CEP170: variants seen among roughly 807,000 people sequenced by gnomAD.
CEP170 encodes the protein centrosomal protein 170, also known as centrosomal protein of 170 kDa.
Under a neutral mutation model 151.9 loss-of-function variants are expected in CEP170, and 21 were observed. The ratio of observed to expected loss-of-function variants is 0.14; its 90% confidence interval spans 0.10 to 0.20. The LOEUF (loss-of-function observed/expected upper bound fraction) is 0.20. CEP170 is among the 10% of genes least tolerant of loss of function. The pLI, the probability that CEP170 is intolerant of heterozygous loss-of-function variation, is 1.00. For missense variants in CEP170, 964 were observed against 1,892.9 expected (o/e 0.51, Z 9.11); for synonymous variants, 356 against 648.8 (o/e 0.55, Z 6.86).
In CEP170 at chr1:243,219,375, C is replaced by T. The variant is rs557366403; in HGVS notation, c.195+2349G>A. On this transcript the variant is annotated intron_variant, in intron 3 of 19. Coordinates refer to ENST00000366542, the MANE Select transcript of CEP170 (RefSeq NM_014812.3). ...TTCAGAGAGATTAAGTGATTTGTCC[C>T]AGGTTACACTGCTGATAAATAACAG... Among the ~76,000 whole-genome samples the T allele has an allele frequency of 2.0e-5, 3 of 152,262 alleles. No individual in the cohort carries two copies. In the East Asian group the frequency reaches 5.8e-4, roughly 29 times the overall value.
At chr1:243,147,804 A>C (rs553509770) in intron 14 of CEP170, among the ~76,000 whole-genome samples, 1 of 152,330 alleles carries the variant, frequency 6.6e-6, no homozygotes, top group East Asian at 1.9e-4. Context: ...AAATTTTTAG[A>C]GTTTGACTTA....
intron 17 of CEP170, among the ~76,000 whole-genome samples, chr1:243,133,655 C>G (rs1478473320): frequency 1.3e-5 from 2 of 151,870 alleles, no homozygotes; most frequent in Non-Finnish European, 2.9e-5. Context: ...TAGGCTTTAC[C>G]CCAGGGAATG....
chr1:243,151,580 G>A (rs2057077456), intron 14 of CEP170, among the ~76,000 whole-genome samples: 1 of 152,218 alleles, frequency 6.6e-6, no homozygotes, highest in African/African-American at 2.4e-5. Context: ...TGCTGACAGA[G>A]GTGAGGAAAC....
chr1:243,168,713 C>T (rs1239554142), intron 12 of CEP170, among the ~76,000 whole-genome samples: 1 of 151,694 alleles, frequency 6.6e-6, no homozygotes, highest in Non-Finnish European at 1.5e-5. Flanking sequence ...CCATCATCTC[C>T]TCATCCTCCT....
At chr1:243,170,358 C>A (rs1009417091) in intron 11 of CEP170, among the ~76,000 whole-genome samples, 34 of 151,798 alleles carry the variant, frequency 2.2e-4, no homozygotes, top group Non-Finnish European at 4.1e-4. Context: ...GCACTCCAGT[C>A]TGGCAACAGA....
intron 1 of CEP170, among the ~76,000 whole-genome samples, chr1:243,251,320 A>G (rs1299548899): frequency 1.3e-5 from 2 of 152,206 alleles, no homozygotes; most frequent in African/African-American, 2.4e-5. Flanking sequence ...AATTTTATGA[A>G]CCAGAGTAAG....
At chr1:243,149,069 A>G (rs1238186511) in intron 14 of CEP170, among the ~76,000 whole-genome samples, 1 of 152,208 alleles carries the variant, frequency 6.6e-6, no homozygotes, top group Admixed American at 6.5e-5. Context: ...TAGCCATCAA[A>G]AGAGATAGAG....
At chr1:243,229,022 T>C (rs1054246406) in intron 1 of CEP170, among the ~76,000 whole-genome samples, 2 of 152,250 alleles carry the variant, frequency 1.3e-5, no homozygotes, top group African/African-American at 2.4e-5. Flanking sequence ...AGCTACTGTC[T>C]GTTTTTATAT....
At chr1:243,189,755 CTT>C (rs2060187795) in intron 8 of CEP170, among the ~76,000 whole-genome samples, 1 of 151,888 alleles carries the variant, frequency 6.6e-6, no homozygotes, top group African/African-American at 2.4e-5. Flanking sequence ...TCAGCTACCT[CTT>C]ATACTGTACT....
At chr1:243,137,674 C>T (rs1449800627) in intron 16 of CEP170, among the ~76,000 whole-genome samples, 1 of 151,432 alleles carries the variant, frequency 6.6e-6, no homozygotes, top group Non-Finnish European at 1.5e-5. Flanking sequence ...ACTCGGGAGG[C>T]TAAGGCAGGG....
chr1:243,244,071 T>G (rs577817333), intron 1 of CEP170, among the ~76,000 whole-genome samples: 1 of 152,264 alleles, frequency 6.6e-6, no homozygotes, highest in Non-Finnish European at 1.5e-5. Flanking sequence ...GAAACATAAT[T>G]AGCCTCAATT....
At chr1:243,246,566 C>A (rs2065422839) in intron 1 of CEP170, among the ~76,000 whole-genome samples, 1 of 152,092 alleles carries the variant, frequency 6.6e-6, no homozygotes, top group Non-Finnish European at 1.5e-5. Context: ...ATTTAATTTT[C>A]ATAAATTGTG....
At chr1:243,216,876 G>A (rs1558618406) in intron 3 of CEP170, among the ~76,000 whole-genome samples, 1 of 152,188 alleles carries the variant, frequency 6.6e-6, no homozygotes, top group Non-Finnish European at 1.5e-5. Flanking sequence ...AGACTTCAGT[G>A]TTTTAAAACT....
chr1:243,227,577 G>T (rs1270482326), intron 1 of CEP170, among the ~76,000 whole-genome samples: 1 of 152,052 alleles, frequency 6.6e-6, no homozygotes, highest in African/African-American at 2.4e-5. Flanking sequence ...CCATTTCATC[G>T]AGAACATTCT....
Position 243,191,348 on chromosome 1 carries a change from G to C in CEP170, c.778C>G (p.His260Asp). ...QPSQITESTI[H>D]EIPTKDTPSS... ...GGCGTGTCTTTTGTTGGGATTTCAT[G>C]AATAGTGCTTTCTGTTATTTGTGAT... Residue 260 changes from histidine (H) to aspartate (D), a missense_variant, in exon 8 of 20, where the codon CAT becomes GAT. Coordinates refer to ENST00000366542, the MANE Select transcript of CEP170 (RefSeq NM_014812.3). The C allele has an allele frequency of 6.2e-7, 1 of 1,612,468 alleles. No individual in the cohort carries two copies.
intron 1 of CEP170, among the ~76,000 whole-genome samples, chr1:243,246,893 C>A (rs1265668450): frequency 7.3e-6 from 1 of 136,656 alleles, no homozygotes; most frequent in Non-Finnish European, 1.6e-5. Context: ...TATATAAGGT[C>A]TGCAAGATAC....
intron 14 of CEP170, among the ~76,000 whole-genome samples, chr1:243,152,510 C>T (rs376723304): frequency 6.9e-5 from 10 of 145,528 alleles, no homozygotes; most frequent in Non-Finnish European, 9.0e-5. Flanking sequence ...CGTGAGCCAC[C>T]GCGCCCAGCC....
intron 15 of CEP170, 120 bp downstream of exon 15, chr1:243,142,196 G>A: frequency 2.6e-6 from 4 of 1,560,082 alleles, no homozygotes; most frequent in Non-Finnish European, 3.4e-6. Context: ...GTTGGAAAAT[G>A]CAGAGCTTCA....
intron 14 of CEP170, among the ~76,000 whole-genome samples, chr1:243,154,888 C>T (rs1406208986): frequency 2.6e-5 from 4 of 152,076 alleles, no homozygotes; most frequent in Non-Finnish European, 5.9e-5. Context: ...GGCCTCCTGC[C>T]AGGAGGCATC....
Sources: gnomAD v4.1 joint callset for allele counts (sites outside exome capture counted in the v4.1 genomes callset) on GRCh38, gnomAD v4.1.1 for gene constraint, MANE v1.5 for transcripts, NCBI Gene and HGNC (gene_info 2026-07-23, HGNC 2026-07-21) for gene names.